Variants in PPARD observed in about 807,000 individuals in gnomAD.
PPARD encodes the protein peroxisome proliferator activated receptor delta, also known as peroxisome proliferator-activated receptor delta.
A neutral mutation model predicts 39.5 loss-of-function variants in PPARD; 6 were observed. That is an observed-to-expected ratio of 0.15 (90% confidence interval 0.08 to 0.30). PPARD has a LOEUF of 0.30. Among genes scored for constraint, PPARD ranks in the 10% least tolerant of loss-of-function variants. The pLI, the probability that PPARD is intolerant of heterozygous loss-of-function variation, is 1.00. For synonymous variants in PPARD, 210 were observed against 231.3 expected (o/e 0.91, Z 0.83); for missense variants, 397 against 596.8 (o/e 0.67, Z 3.49).
At chr6:35,420,466 G>T (rs139868197) in intron 4 of PPARD, among the ~76,000 whole-genome samples, 185 bp downstream of exon 4, 67 of 152,290 alleles carry the variant, frequency 4.4e-4, no homozygotes, top group Non-Finnish European at 7.6e-4. Context: ...GAGAAGAGGG[G>T]GTTCCCTTGT....
At position 35,411,230 on chromosome 6, in the gene PPARD, C is replaced by T. The variant is rs201297022; in HGVS notation, c.130+13C>T. On this transcript the variant is annotated intron_variant, in intron 3 of 7. Transcript: ENST00000360694. ...AGCAGCTACACAGGTGAGGAGAGGA[C>T]TGGCAGGGGACACGGGGCAGAGGAG... 5.0e-5 allele frequency: 75 copies of T among 1,495,760 alleles called. 1 individual carries two copies. The highest frequency in any genetic ancestry group is 2.3e-4 in the South Asian group (17 of 73,980). 92.7% of individuals were successfully genotyped at this position (1,495,760 alleles called of 1,614,324 possible). A position where few individuals can be genotyped will look rare whatever the true frequency, so the allele number is the denominator to read the frequency against.
chr6:35,420,275 GTGCAAGGTACGGAC>G lies in PPARD; in HGVS notation c.282_285+10del, dbSNP rs1562223897. 6.4e-7 allele frequency: 1 copy of G among 1,572,848 alleles called. No individual in the cohort carries two copies. Among genetic ancestry groups the G allele is most frequent in the Non-Finnish European group, 8.6e-7 (1 of 1,158,228 alleles). ...ACTACGGTGTTCATGCATGTGAGGG[GTGCAAGGTACGGAC>G]TGGGGGGAGCGGTGGCTGGCCACTG... On this transcript the variant is annotated splice_donor_variant and splice_donor_5th_base_variant and coding_sequence_variant and intron_variant, in exon 4 of 8. Coordinates refer to ENST00000360694, the MANE Select transcript of PPARD (RefSeq NM_006238.5). LOFTEE classifies it high-confidence loss of function.
Position 35,424,089 on chromosome 6 carries a change from T to A in PPARD, c.568T>A (p.Phe190Ile), listed in dbSNP as rs780125217. 10 of 1,613,980 alleles carry A rather than the reference T, an allele frequency of 6.2e-6. No homozygotes were observed. The South Asian group carries it at 1.1e-4, about 18-fold the overall frequency. ...CATCTACAATGCCTACCTGAAAAAC[T>A]TCAACATGACCAAAAAGAAGGCCCG... ...KHIYNAYLKNFNMTKKKARSI... is the reference protein window; with the variant it reads ...KHIYNAYLKNINMTKKKARSI... Residue 190 changes from phenylalanine (F) to isoleucine (I), a missense_variant, in exon 6 of 8, where the codon TTC (phenylalanine) becomes ATC (isoleucine). Transcript: ENST00000360694. The surrounding 1 kb of genome is among the most constrained non-coding windows in gnomAD (Gnocchi z 7.1).
At chr6:35,407,542 G>A in intron 2 of PPARD, among the ~76,000 whole-genome samples, 1 of 151,848 alleles carries the variant, frequency 6.6e-6, no homozygotes, top group Non-Finnish European at 1.5e-5. Context: ...CTTGTTATTT[G>A]GATAATGGCA....
At chr6:35,422,963 A>G (rs1366751878) in intron 5 of PPARD, among the ~76,000 whole-genome samples, 1 of 145,060 alleles carries the variant, frequency 6.9e-6, no homozygotes, top group African/African-American at 2.6e-5. Flanking sequence ...CACACCTGTA[A>G]TCCCATCACT....
intron 2 of PPARD, among the ~76,000 whole-genome samples, chr6:35,404,595 G>A (rs529969591): frequency 1.6e-4 from 24 of 152,320 alleles, no homozygotes; most frequent in African/African-American, 4.8e-4. Context: ...GAGTCACCAC[G>A]AGGAGTACGA....
intron 2 of PPARD, among the ~76,000 whole-genome samples, chr6:35,410,035 A>C (rs1014716651): frequency 6.6e-6 from 1 of 152,202 alleles, no homozygotes; most frequent in Non-Finnish European, 1.5e-5. Context: ...ATGAGTGGGT[A>C]GACAGGCAGG....
chr6:35,419,573 T>C (rs1212290679), intron 3 of PPARD, among the ~76,000 whole-genome samples: 1 of 152,166 alleles, frequency 6.6e-6, no homozygotes, highest in East Asian at 1.9e-4. Flanking sequence ...TTGAGCTTCT[T>C]GAAGAGATTG....
rs10081143 is a variant in PPARD at position 35,401,006 on chromosome 6, C to T, written c.-101-9981C>T. Among the ~76,000 whole-genome samples, 409 of 152,198 alleles carry T rather than the reference C, an allele frequency of 2.7e-3. 2 individuals are homozygous for T. Among genetic ancestry groups the T allele is most frequent in the African/African-American group, 9.3e-3 (388 of 41,514 alleles). ...TCATGCCAAGCAGTGCCAAGCGCCA[C>T]GTCTGCTCCCCAGATACCTGTGTTT... On this transcript the variant is annotated intron_variant, in intron 2 of 7. Coordinates refer to ENST00000360694, the MANE Select transcript of PPARD (RefSeq NM_006238.5). The surrounding 1 kb of genome is among the most constrained non-coding windows in gnomAD (Gnocchi z 4.1).
intron 1 of PPARD, among the ~76,000 whole-genome samples, chr6:35,345,628 A>G (rs898446101): frequency 6.6e-6 from 1 of 152,006 alleles, no homozygotes; most frequent in African/African-American, 2.4e-5. Context: ...GCCTTAACCC[A>G]TTCAGGAAGA....
intron 2 of PPARD, among the ~76,000 whole-genome samples, chr6:35,384,019 C>T (rs1763361793): frequency 6.7e-6 from 1 of 149,016 alleles, no homozygotes; most frequent in South Asian, 2.1e-4. Flanking sequence ...CCGCCAGCCG[C>T]CCCGTCAGGG....
intron 2 of PPARD, among the ~76,000 whole-genome samples, chr6:35,387,688 A>G (rs1048146588): frequency 1.5e-4 from 21 of 143,902 alleles, no homozygotes; most frequent in African/African-American, 4.4e-4. Flanking sequence ...GAATCTTTCC[A>G]TATCAGCATA....
In PPARD at chr6:35,412,771, A is replaced by G. The variant is rs1355852623; in HGVS notation, c.130+1554A>G. Among the ~76,000 whole-genome samples the G allele has an allele frequency of 6.6e-6, 1 of 152,212 alleles. No homozygotes were observed. Among genetic ancestry groups the G allele is most frequent in the African/African-American group, 2.4e-5 (1 of 41,454 alleles). ...TAGGGCCAAAGTGAAGGTGTCCGCCATTCCCCGAGTAAGCAACTTCCTGTC... is the reference window on the plus strand; with the variant it reads ...TAGGGCCAAAGTGAAGGTGTCCGCCGTTCCCCGAGTAAGCAACTTCCTGTC... On this transcript the variant is annotated intron_variant, in intron 3 of 7. Transcript: ENST00000360694. The surrounding 1 kb of genome is among the most constrained non-coding windows in gnomAD (Gnocchi z 4.1).
At chr6:35,359,116 GC>G (rs1261159166) in intron 2 of PPARD, among the ~76,000 whole-genome samples, 1 of 152,224 alleles carries the variant, frequency 6.6e-6, no homozygotes, top group African/African-American at 2.4e-5. Flanking sequence ...CCAAGGCCCT[GC>G]ACTGGGACAC....
Position 35,424,026 on chromosome 6 carries a change from A to G in PPARD, c.505A>G (p.Asn169Asp). 1 of 1,614,222 alleles carries G rather than the reference A, an allele frequency of 6.2e-7. No homozygotes were observed. Among genetic ancestry groups the G allele is most frequent in the Non-Finnish European group, 8.5e-7 (1 of 1,180,036 alleles). ...GACTGCAAACGAGGGGAGCCAGTAC[A>G]ACCCACAGGTGGCCGACCTGAAGGC... ...GLTANEGSQY[N>D]PQVADLKAFS... Residue 169 changes from asparagine (N) to aspartate (D), a missense_variant, in exon 6 of 8, where the codon AAC (asparagine) becomes GAC (aspartate). Coordinates refer to ENST00000360694, the MANE Select transcript of PPARD (RefSeq NM_006238.5). This position sits in a 1 kb window ranked among gnomAD's most constrained non-coding sequence, Gnocchi z 7.1.
chr6:35,378,327 G>A (rs1454949249), intron 2 of PPARD, among the ~76,000 whole-genome samples: 1 of 152,136 alleles, frequency 6.6e-6, no homozygotes, highest in East Asian at 1.9e-4. Context: ...TGCTGGGAGT[G>A]GTATGGGACG....
intron 2 of PPARD, among the ~76,000 whole-genome samples, chr6:35,347,448 G>C (rs759923264): frequency 1.3e-5 from 2 of 152,140 alleles, no homozygotes; most frequent in Admixed American, 6.5e-5. Context: ...GTCTAGGATA[G>C]TGCCTGGCAC....
intron 2 of PPARD, among the ~76,000 whole-genome samples, chr6:35,367,793 C>T (rs1762282454): frequency 6.6e-6 from 1 of 152,164 alleles, no homozygotes; most frequent in Non-Finnish European, 1.5e-5. Flanking sequence ...CATCTGGGGG[C>T]CAAGACAGTG....
At chr6:35,343,503 C>T (rs1791984038) in intron 1 of PPARD, among the ~76,000 whole-genome samples, 1 of 152,134 alleles carries the variant, frequency 6.6e-6, no homozygotes, top group Admixed American at 6.5e-5. Context: ...ACTCTACTTT[C>T]ACTTGACCTG....
Sources: gnomAD v4.1 joint callset for allele counts (sites outside exome capture counted in the v4.1 genomes callset) on GRCh38, gnomAD v4.1.1 for gene constraint, Gnocchi (gnomAD v3.1) non-coding constraint, MANE v1.5 for transcripts, NCBI Gene and HGNC (gene_info 2026-07-23, HGNC 2026-07-21) for gene names.